The following MED13L variants were observed in gnomAD, a reference collection of about 807,000 sequenced individuals.
MED13L encodes the protein mediator of RNA polymerase II transcription subunit 13-like.
Under a neutral mutation model 220.9 loss-of-function variants are expected in MED13L, and 7 were observed. That is an observed-to-expected ratio of 0.03 (90% CI 0.02 to 0.06). The LOEUF is 0.06. Ranked by LOEUF, MED13L falls within the 10% of genes least tolerant of loss-of-function variation. The probability of loss-of-function intolerance (pLI) is 1.00; values close to 1 mark genes in which losing one functional copy is unlikely to be tolerated. For synonymous variants in MED13L, 1,011 were observed against 1,015.2 expected, an observed-to-expected ratio of 1.00 and a Z score of 0.08; for missense variants, 1,965 against 2,760.5, an observed-to-expected ratio of 0.71 and a Z score of 6.46.
intron 6 of MED13L, 72 bp from the exon 7 acceptor site, chr12:116,019,484 T>C (rs549456165): frequency 2.6e-6 from 4 of 1,536,896 alleles, no homozygotes; most frequent in Non-Finnish European, 3.6e-6. Flanking sequence ...ATTTTATGAT[T>C]CCAATGGTGA....
At chr12:116,015,319 T>A (rs1181240432) in intron 7 of MED13L, 45 bp from the exon 8 acceptor site, 1 of 1,595,094 alleles carries the variant, frequency 6.3e-7, no homozygotes, top group South Asian at 1.1e-5. Context: ...TCTGAAAAGG[T>A]TTCCTACTTC....
At chr12:116,214,274 C>T (rs1459560638) in intron 2 of MED13L, among the ~76,000 whole-genome samples, 1 of 152,134 alleles carries the variant, frequency 6.6e-6, no homozygotes, top group Non-Finnish European at 1.5e-5. Context: ...TATTCTTCTA[C>T]CAATATGTTG....
At chr12:115,983,746 A>G (rs1037067565) in intron 20 of MED13L, among the ~76,000 whole-genome samples, 2 of 152,190 alleles carry the variant, frequency 1.3e-5, no homozygotes, top group African/African-American at 4.8e-5. Context: ...ATTCTACAGT[A>G]GAGGCTTGTT....
At chr12:116,276,506 T>C (rs1873848100) in intron 1 of MED13L, 10 of 1,286,620 alleles carry the variant, frequency 7.8e-6, no homozygotes, top group South Asian at 1.2e-5. Context: ...TGTCGATGTT[T>C]ACAATCGCGG....
intron 9 of MED13L, among the ~76,000 whole-genome samples, chr12:116,009,432 TA>T (rs1879258889): frequency 1.3e-5 from 2 of 152,148 alleles, no homozygotes; most frequent in Admixed American, 1.3e-4. Flanking sequence ...GGGCCTCAGA[TA>T]ACCTATTCAT....
chr12:116,022,577 T>C lies in MED13L; in HGVS notation c.504A>G (p.Thr168=), dbSNP rs544756034. The C allele has an allele frequency of 1.2e-6, 2 of 1,612,900 alleles. No homozygotes were observed. The highest frequency in any genetic ancestry group is 2.2e-5 in the East Asian group (1 of 44,800). The change falls in exon 5 of 31, where the codon ACA becomes ACG. Residue 168 remains threonine (T), a synonymous_variant. Transcript: ENST00000281928. ...CATTACTTTCTCCATGCAGAAAGAA[T>C]GTGAAAGCACAGGACAAATGCTCAC... ...NKSEHLSCAF[T]FFLHGESNVC... is the part of the protein sequence containing the mutation.
chr12:116,083,339 C>T (rs1325846270), intron 4 of MED13L, among the ~76,000 whole-genome samples: 1 of 139,890 alleles, frequency 7.1e-6, no homozygotes. Context: ...GGCATGGAGG[C>T]TGCAGTGAGT....
chr12:116,147,882 T>C (rs1295568554), intron 2 of MED13L, among the ~76,000 whole-genome samples: 2 of 151,274 alleles, frequency 1.3e-5, no homozygotes, highest in African/African-American at 4.9e-5. Context: ...AAGATGAGGT[T>C]TTTTTAACAA....
chr12:116,040,970 A>G (rs1263724825), intron 4 of MED13L, among the ~76,000 whole-genome samples: 1 of 152,206 alleles, frequency 6.6e-6, no homozygotes, highest in East Asian at 1.9e-4. Flanking sequence ...GTGCTTCTCA[A>G]GCCCATTTCC....
chr12:116,054,424 C>A (rs778850597), intron 4 of MED13L, among the ~76,000 whole-genome samples: 16 of 152,106 alleles, frequency 1.1e-4, no homozygotes, highest in Non-Finnish European at 2.1e-4. Flanking sequence ...TCAGTGAGAA[C>A]TCTGCCAAAG....
At chr12:116,018,775 C>T (rs1879878198) in intron 7 of MED13L, among the ~76,000 whole-genome samples, 1 of 151,962 alleles carries the variant, frequency 6.6e-6, no homozygotes, top group South Asian at 2.1e-4. Flanking sequence ...CTACTAAGCA[C>T]TAGTCTAACT....
At chr12:116,240,663 G>A (rs759813506) in intron 1 of MED13L, among the ~76,000 whole-genome samples, 19 of 151,808 alleles carry the variant, frequency 1.3e-4, no homozygotes, top group African/African-American at 2.7e-4. Context: ...CTCCCGAGTA[G>A]CTGGGACTGA....
At chr12:116,141,467 A>G (rs930624502) in intron 2 of MED13L, among the ~76,000 whole-genome samples, 2 of 152,218 alleles carry the variant, frequency 1.3e-5, no homozygotes, top group African/African-American at 4.8e-5. Context: ...ATTCCTTTGT[A>G]TCCAGATTTT....
At chr12:116,127,684 T>G (rs947353406) in intron 2 of MED13L, among the ~76,000 whole-genome samples, 1 of 152,232 alleles carries the variant, frequency 6.6e-6, no homozygotes, top group African/African-American at 2.4e-5. Context: ...CCGTTTCTTT[T>G]ACAATCCAGC....
At chr12:116,108,204 T>C (rs2137881973) in intron 3 of MED13L, among the ~76,000 whole-genome samples, 1 of 151,828 alleles carries the variant, frequency 6.6e-6, no homozygotes, top group South Asian at 2.1e-4. Context: ...TAACAGAAAA[T>C]TGCCAGGAAT....
intron 2 of MED13L, among the ~76,000 whole-genome samples, chr12:116,201,749 G>A (rs1882018238): frequency 6.6e-6 from 1 of 152,098 alleles, no homozygotes; most frequent in African/African-American, 2.4e-5. Flanking sequence ...TCAAATGGAT[G>A]AATGATCTGA....
chr12:116,140,126 A>T (rs1375184336), intron 2 of MED13L, among the ~76,000 whole-genome samples: 1 of 152,174 alleles, frequency 6.6e-6, no homozygotes, highest in Non-Finnish European at 1.5e-5. Flanking sequence ...AAATCTGCAT[A>T]AAGTGAACAA....
chr12:115,980,409 A>T (rs2097367406), intron 23 of MED13L: 1 of 317,698 alleles, frequency 3.1e-6, no homozygotes, highest in South Asian at 3.3e-5. Context: ...CTGCCATCTC[A>T]AACTCCTGGG....
intron 4 of MED13L, among the ~76,000 whole-genome samples, chr12:116,059,350 A>G (rs1869247020): frequency 6.6e-6 from 1 of 151,784 alleles, no homozygotes; most frequent in African/African-American, 2.4e-5. Context: ...ATGAGCCACC[A>G]TGCCTGGCCT....
Sources: gnomAD v4.1 joint callset for allele counts (sites outside exome capture counted in the v4.1 genomes callset) on GRCh38, gnomAD v4.1.1 for gene constraint, MANE v1.5 for transcripts, NCBI Gene and HGNC (gene_info 2026-07-23, HGNC 2026-07-21) for gene names.